MRAP2: variants seen among roughly 807,000 people sequenced by gnomAD.
The protein encoded by MRAP2 is melanocortin-2 receptor accessory protein 2.
A neutral mutation model predicts 17.4 loss-of-function variants in MRAP2; 20 were observed. The observed-to-expected ratio is 1.15, with a 90% CI of 0.81 to 1.67. The LOEUF is 1.67. MRAP2 is among the 40% of genes most tolerant of loss of function. The pLI is 0.00. For synonymous variants in MRAP2, 96 were observed against 88.4 expected, an observed-to-expected ratio of 1.09 and a Z score of -0.48; for missense variants, 238 against 240.0, an observed-to-expected ratio of 0.99 and a Z score of 0.05.
the MRAP2 span, among the ~76,000 whole-genome samples, chr6:84,130,726 C>T: frequency 1.3e-3 from 203 of 151,806 alleles, 1 homozygote; most frequent in African/African-American, 4.0e-3. Flanking sequence ...TTTTTTATTG[C>T]GTCTATTTGA....
chr6:84,043,413 A>G (rs111989735), intron 1 of MRAP2, among the ~76,000 whole-genome samples: 5 of 152,174 alleles, frequency 3.3e-5, no homozygotes, highest in African/African-American at 7.2e-5. Flanking sequence ...GGAGAGATCT[A>G]CTTGGAGGAG....
intron 1 of MRAP2, among the ~76,000 whole-genome samples, chr6:84,051,327 A>G (rs534690440): frequency 6.6e-6 from 1 of 152,372 alleles, no homozygotes; most frequent in African/African-American, 2.4e-5. Context: ...AGGCCCAGGC[A>G]GGCAGATCAC....
the MRAP2 span, among the ~76,000 whole-genome samples, chr6:84,136,372 C>T: frequency 1.3e-5 from 2 of 152,180 alleles, no homozygotes; most frequent in Middle Eastern, 3.2e-3. Context: ...TAACCCATGA[C>T]AGAAGGGCAG....
chr6:84,045,988 G>C (rs568027991), intron 1 of MRAP2, among the ~76,000 whole-genome samples: 1 of 152,148 alleles, frequency 6.6e-6, no homozygotes, highest in Admixed American at 6.5e-5. Flanking sequence ...TGTAAAGGGG[G>C]TGAGTATTTC....
chr6:84,100,552 C>A, the MRAP2 span, among the ~76,000 whole-genome samples: 857 of 152,242 alleles, frequency 5.6e-3, 12 homozygotes, highest in African/African-American at 0.02. Context: ...CAGGTGTGAG[C>A]CAACATGCCT....
chr6:84,121,834 C>A, the MRAP2 span, among the ~76,000 whole-genome samples: 6,677 of 151,998 alleles, frequency 0.044, 477 homozygotes, highest in African/African-American at 0.15. Flanking sequence ...AGAATAAATG[C>A]CTACACAAAA....
At chr6:84,103,291 G>A in the MRAP2 span, among the ~76,000 whole-genome samples, 2 of 152,122 alleles carry the variant, frequency 1.3e-5, no homozygotes, top group African/African-American at 2.4e-5. Flanking sequence ...AAATCTGTGG[G>A]GATTTGAGGG....
In MRAP2 at chr6:84,033,909, C is replaced by G. The variant is rs1416345623; in HGVS notation, c.-8+26C>G. The G allele has an allele frequency of 4.1e-6, 4 of 986,050 alleles. No homozygotes were observed. In the South Asian group the frequency reaches 1.4e-4, roughly 34 times the overall value. The allele number at this position is 986,050 out of a possible 1,614,324, so 61.1% of individuals were successfully genotyped here. On this transcript the variant is annotated intron_variant, in intron 1 of 3. Coordinates refer to ENST00000257776, the MANE Select transcript of MRAP2 (RefSeq NM_138409.4). ...GTAACCACGGGCGGGACAGGGCGCC[C>G]AGGGCGGAGCAAAGCCCGGGCGCTG...
chr6:84,135,762 C>A, the MRAP2 span, among the ~76,000 whole-genome samples: 952 of 152,228 alleles, frequency 6.3e-3, 4 homozygotes, highest in African/African-American at 0.022. Context: ...ACTCAGGAAG[C>A]TGAGACATAA....
intron 3 of MRAP2, among the ~76,000 whole-genome samples, chr6:84,068,784 C>CTTTTTTTT (rs34220070): frequency 3.6e-5 from 2 of 55,194 alleles, no homozygotes; most frequent in Non-Finnish European, 6.3e-5. Context: ...TTGCTGAATT[C>CTTTTTTTT]TTTTTTTTTT....
rs771497816 is a variant in MRAP2, at chr6:84,055,327, C to G, written c.9C>G (p.Ala3=). The change falls in exon 2 of 4, where the codon GCC becomes GCG. Residue 3 remains alanine, a synonymous_variant. Transcript: ENST00000257776. The part of the protein sequence containing the change: MS[A]QRLISNRTSQ... ...ATTTGTGCAGGTCGGAGATGTCCGCCCAGAGGTTAATTTCTAACAGAACCT... is the reference window on the plus strand; with the variant it reads ...ATTTGTGCAGGTCGGAGATGTCCGCGCAGAGGTTAATTTCTAACAGAACCT... The G allele has an allele frequency of 1.2e-5, 19 of 1,613,176 alleles. No individual in the cohort carries two copies. In the East Asian group the frequency reaches 4.2e-4, roughly 36 times the overall value.
chr6:84,076,555 T>C (rs2099497674), intron 3 of MRAP2, among the ~76,000 whole-genome samples: 2 of 152,050 alleles, frequency 1.3e-5, no homozygotes, highest in Admixed American at 6.5e-5. Context: ...AGACAGGGTT[T>C]CACCACGTTG....
the MRAP2 span, among the ~76,000 whole-genome samples, chr6:84,134,927 C>T: frequency 0.02 from 3,009 of 147,848 alleles, 86 homozygotes; most frequent in African/African-American, 0.072. Flanking sequence ...TATACACACA[C>T]ACACACACAC....
chr6:84,079,373 G>C (rs1765208230), intron 3 of MRAP2, among the ~76,000 whole-genome samples: 2 of 152,142 alleles, frequency 1.3e-5, no homozygotes, highest in Admixed American at 1.3e-4. Context: ...ATAGAAATCA[G>C]AGCAGTGTTA....
At chr6:84,054,295 C>T (rs2099491156) in intron 1 of MRAP2, among the ~76,000 whole-genome samples, 1 of 152,182 alleles carries the variant, frequency 6.6e-6, no homozygotes, top group Admixed American at 6.5e-5. Flanking sequence ...AGTAGGTGCT[C>T]AAACACAGTT....
chr6:84,132,029 C>A, the MRAP2 span, among the ~76,000 whole-genome samples: 1 of 152,200 alleles, frequency 6.6e-6, no homozygotes, highest in Non-Finnish European at 1.5e-5. Context: ...TCTTGTAAGG[C>A]ATGCCTGGTG....
intron 1 of MRAP2, among the ~76,000 whole-genome samples, chr6:84,044,115 C>G (rs1278058186): frequency 1.3e-5 from 2 of 152,134 alleles, no homozygotes; most frequent in Non-Finnish European, 2.9e-5. Context: ...AGTTTCAGCA[C>G]CTATATGAAT....
At position 84,040,181 on chromosome 6, in the gene MRAP2, C is replaced by T. The variant is rs114242258; in HGVS notation, c.-8+6298C>T. Reference sequence around the variant, plus strand: ...CTGATGGTTTCATAAGAGGCTTTCCCTCTCTTCACTCTGACTTCTCCTTGC... The same window carrying T: ...CTGATGGTTTCATAAGAGGCTTTCCTTCTCTTCACTCTGACTTCTCCTTGC... On this transcript the variant is annotated intron_variant, in intron 1 of 3. Transcript: ENST00000257776. Among the ~76,000 whole-genome samples, 1,020 of 152,292 alleles carry T rather than the reference C, an allele frequency of 6.7e-3. 16 individuals carry two copies. The highest frequency in any genetic ancestry group is 0.023 in the African/African-American group (959 of 41,554).
intron 3 of MRAP2, among the ~76,000 whole-genome samples, chr6:84,076,725 A>C (rs530651390): frequency 1.3e-5 from 2 of 152,324 alleles, no homozygotes; most frequent in Admixed American, 6.5e-5. Flanking sequence ...CCACAGGCTG[A>C]TCTGCCCACC....
Sources: gnomAD v4.1 joint callset for allele counts (sites outside exome capture counted in the v4.1 genomes callset) on GRCh38, gnomAD v4.1.1 for gene constraint, MANE v1.5 for transcripts, NCBI Gene and HGNC (gene_info 2026-07-23, HGNC 2026-07-21) for gene names.